Variants in TOP2A observed in about 807,000 individuals in gnomAD.
TOP2A encodes the protein DNA topoisomerase 2-alpha.
In TOP2A, 68 loss-of-function variants were observed where a neutral mutation model predicts 187.2. That is an observed-to-expected ratio of 0.36 (90% CI 0.30 to 0.44). The LOEUF (loss-of-function observed/expected upper bound fraction) is 0.44. Among genes scored for constraint, TOP2A ranks in the 20% least tolerant of loss-of-function variants. The probability of loss-of-function intolerance (pLI) is 1.00; values close to 1 mark genes in which losing one functional copy is unlikely to be tolerated. For missense variants in TOP2A, 1,196 were observed against 1,808.7 expected (o/e 0.66, Z 6.14); for synonymous variants, 542 against 593.2 (o/e 0.91, Z 1.25).
rs2143655105 is a variant in TOP2A at position 40,403,031 on chromosome 17, G to A, written c.2307C>T (p.Ile769=). The change falls in exon 20 of 35, where the codon ATC becomes ATT. Residue 769 remains isoleucine (I), a synonymous_variant. Transcript: ENST00000423485. ...HGEMSLMMTI[I]NLAQNFVGSN... ...TACCCACAAAATTCTGAGCCAAATT[G>A]ATAATGGTCATCATTAGTGACATCT... 6.2e-7 allele frequency: 1 copy of A among 1,600,424 alleles called. No homozygotes were observed. Among genetic ancestry groups the A allele is most frequent in the Non-Finnish European group, 8.5e-7 (1 of 1,172,664 alleles).
chr17:40,390,240 G>C (rs1415050881), intron 33 of TOP2A, 76 bp from the exon 34 acceptor site: 2 of 1,349,186 alleles, frequency 1.5e-6, no homozygotes, highest in East Asian at 2.5e-5. Flanking sequence ...CCAGGCTGGA[G>C]TGCAGTGGTG....
At position 40,389,579 on chromosome 17, in the gene TOP2A, A is replaced by G; in HGVS notation, c.4536T>C (p.Ser1512=). 6.2e-7 allele frequency: 1 copy of G among 1,605,640 alleles called. No individual in the cohort carries two copies. The highest frequency in any genetic ancestry group is 8.5e-7 in the Non-Finnish European group (1 of 1,175,748). The change falls in exon 35 of 35, where the codon TCT becomes TCC. Residue 1512 remains serine, a synonymous_variant. Coordinates refer to ENST00000423485, the MANE Select transcript of TOP2A (RefSeq NM_001067.4). The part of the protein sequence containing the change: ...FDSAVAPRAK[S]VRAKKPIKYL... Reference sequence around the variant, plus strand: ...ACTTTATAGGTTTCTTTGCCCGTACAGATTTTGCCCGAGGAGCCACAGCTG... The same window carrying G: ...ACTTTATAGGTTTCTTTGCCCGTACGGATTTTGCCCGAGGAGCCACAGCTG...
chr17:40,400,208 C>T lies in TOP2A; in HGVS notation c.3000+1G>A. On this transcript the variant is annotated splice_donor_variant, in intron 23 of 34. Transcript: ENST00000423485. LOFTEE classifies it high-confidence loss of function. ...GTACATCTCACAAAACAAATACATA[C>T]CATAGAGTTGCATGTGAGACTAGTT... 2 of 1,613,510 alleles carry T rather than the reference C, an allele frequency of 1.2e-6. No individual in the cohort carries two copies. Among genetic ancestry groups the T allele is most frequent in the South Asian group, 2.2e-5 (2 of 91,072 alleles).
At chr17:40,398,419 T>C (rs1267914958) in intron 27 of TOP2A, 139 bp downstream of exon 27, 1 of 774,064 alleles carries the variant, frequency 1.3e-6, no homozygotes, top group South Asian at 2.0e-5. Flanking sequence ...TCTGTTCTTT[T>C]ATACGCTATT....
intron 33 of TOP2A, among the ~76,000 whole-genome samples, 191 bp from the exon 34 acceptor site, chr17:40,390,355 A>C (rs1485738954): frequency 6.6e-6 from 1 of 151,326 alleles, no homozygotes. Flanking sequence ...CACCCGGCTA[A>C]TTTTTTGTAT....
In TOP2A at chr17:40,411,940, C is replaced by T; in HGVS notation, c.790-122G>A. On this transcript the variant is annotated intron_variant, in intron 7 of 34. Coordinates refer to ENST00000423485, the MANE Select transcript of TOP2A (RefSeq NM_001067.4). The surrounding 1 kb of genome is among the most constrained non-coding windows in gnomAD (Gnocchi z 4.4). Reference sequence around the variant, plus strand: ...TCACTGATAGGCATAAGGGAATGGTCATTAAAGGACACAGGCCGAGGTGGG... The same window carrying T: ...TCACTGATAGGCATAAGGGAATGGTTATTAAAGGACACAGGCCGAGGTGGG... The T allele has an allele frequency of 1.2e-6, 1 of 802,684 alleles. No individual in the cohort carries two copies. Among genetic ancestry groups the T allele is most frequent in the Non-Finnish European group, 1.9e-6 (1 of 536,470 alleles). The allele number at this position is 802,684 out of a possible 1,614,324, so 49.7% of individuals were successfully genotyped here.
At chr17:40,397,285 CTT>C (rs11331486) in intron 27 of TOP2A, among the ~76,000 whole-genome samples, 6,787 of 131,186 alleles carry the variant, frequency 0.052, 282 homozygotes, top group African/African-American at 0.12. Context: ...CTGCTTTCTC[CTT>C]TTTTTTTTTT....
At chr17:40,408,930 C>T in intron 10 of TOP2A, 1 of 488,064 alleles carries the variant, frequency 2.0e-6, no homozygotes, top group Non-Finnish European at 4.0e-6. Flanking sequence ...CACGGTGGCT[C>T]ACGCCTATAA....
chr17:40,392,019 G>C, intron 32 of TOP2A, 49 bp downstream of exon 32: 2 of 1,577,224 alleles, frequency 1.3e-6, no homozygotes, highest in Non-Finnish European at 1.7e-6. Context: ...AGTTGGATCT[G>C]AGTGTCCCAG....
At chr17:40,408,886 T>TG (rs1567788824) in intron 10 of TOP2A, 5 of 585,044 alleles carry the variant, frequency 8.5e-6, no homozygotes, top group African/African-American at 7.3e-5. Context: ...AGCTACTTGT[T>TG]GGAGATATAG....
At chr17:40,414,523 C>A (rs1452130413) in intron 4 of TOP2A, among the ~76,000 whole-genome samples, 3 of 152,032 alleles carry the variant, frequency 2.0e-5, no homozygotes, top group African/African-American at 7.2e-5. Flanking sequence ...AGAGGATCAT[C>A]TATACATCTC....
rs936758554 is a variant in TOP2A at position 40,388,802 on chromosome 17, G to C, written c.*717C>G. On this transcript the variant is annotated 3_prime_UTR_variant, in exon 35 of 35. Coordinates refer to ENST00000423485, the MANE Select transcript of TOP2A (RefSeq NM_001067.4). ...CTGCAATCCAGTCCTCTTAGAAATTGGTTTCTCTCTTTGGGAGATTCAGAC... is the reference window on the plus strand; with the variant it reads ...CTGCAATCCAGTCCTCTTAGAAATTCGTTTCTCTCTTTGGGAGATTCAGAC... 1.5e-5 allele frequency: 3 copies of C among 196,092 alleles called. No homozygotes were observed. Among genetic ancestry groups the C allele is most frequent in the Non-Finnish European group, 3.2e-5 (3 of 94,362 alleles). The allele number at this position is 196,092 out of a possible 1,614,324, so 12.1% of individuals were successfully genotyped here.
chr17:40,415,106 G>T (rs1203026554), intron 4 of TOP2A, among the ~76,000 whole-genome samples: 18 of 149,618 alleles, frequency 1.2e-4, no homozygotes, highest in African/African-American at 4.4e-4. Context: ...CCAGGCTGGA[G>T]TGCAGTGGTG....
chr17:40,390,923 C>G (rs917410630), intron 33 of TOP2A, among the ~76,000 whole-genome samples: 4 of 152,154 alleles, frequency 2.6e-5, no homozygotes, highest in Non-Finnish European at 4.4e-5. Context: ...CTGCACCCAG[C>G]CTTAAACTTA....
intron 19 of TOP2A, among the ~76,000 whole-genome samples, chr17:40,403,379 G>A (rs2143656051): frequency 6.6e-6 from 1 of 152,280 alleles, no homozygotes; most frequent in African/African-American, 2.4e-5. Context: ...TTCTATAGCT[G>A]TGTGTGTATT....
chr17:40,399,005 C>A lies in TOP2A; in HGVS notation c.3288+35G>T, dbSNP rs1472664938. 3.1e-6 allele frequency: 5 copies of A among 1,593,656 alleles called. No homozygotes were observed. The African/African-American group carries it at 6.7e-5, about 21-fold the overall frequency. ...ACATAAACATTGTACAATACATAGTCTTTAACAATATAGAAAAGTGCCACC... is the reference window on the plus strand; with the variant it reads ...ACATAAACATTGTACAATACATAGTATTTAACAATATAGAAAAGTGCCACC... On this transcript the variant is annotated intron_variant, in intron 25 of 34. Coordinates refer to ENST00000423485, the MANE Select transcript of TOP2A (RefSeq NM_001067.4).
At chr17:40,410,742 T>C (rs1160698124) in intron 10 of TOP2A, 3 of 428,356 alleles carry the variant, frequency 7.0e-6, no homozygotes, top group Non-Finnish European at 1.4e-5. Flanking sequence ...GAAGTTGTTT[T>C]TTTGTTGGAG....
At position 40,390,140 on chromosome 17, in the gene TOP2A, C is replaced by T. The variant is rs780010148; in HGVS notation, c.4292G>A (p.Gly1431Asp). The change falls in exon 34 of 35, where the codon GGT becomes GAT. Residue 1431 changes from glycine to aspartate, a missense_variant. By Grantham distance (94) the Gly-to-Asp change is moderately conservative. This residue lies in a region of TOP2A where 374 missense variants were observed against 403.3 expected (regional missense o/e 0.93). Transcript: ENST00000423485. ...TTTTGGGGCAGCCCTTTTTTTGGCACCGGTAGTGGAGGTGGAAGACTGACC... is the reference window on the plus strand; with the variant it reads ...TTTTGGGGCAGCCCTTTTTTTGGCATCGGTAGTGGAGGTGGAAGACTGACC... ...AKSQSSTSTT[G>D]AKKRAAPKGT... is the part of the protein sequence containing the mutation. The T allele has an allele frequency of 1.4e-5, 22 of 1,612,604 alleles. No individual in the cohort carries two copies. Among genetic ancestry groups the T allele is most frequent in the Non-Finnish European group, 8.5e-7 (1 of 1,179,532 alleles).
chr17:40,403,337 T>C (rs1435299949), intron 19 of TOP2A, among the ~76,000 whole-genome samples: 4 of 152,230 alleles, frequency 2.6e-5, no homozygotes, highest in Non-Finnish European at 5.9e-5. Context: ...TACAATGCTG[T>C]GTTCATTTCT....
Sources: gnomAD v4.1 joint callset for allele counts (sites outside exome capture counted in the v4.1 genomes callset) on GRCh38, gnomAD v4.1.1 for gene constraint, gnomAD v4.1.1 regional missense constraint, Gnocchi (gnomAD v3.1) non-coding constraint, MANE v1.5 for transcripts, NCBI Gene and HGNC (gene_info 2026-07-23, HGNC 2026-07-21) for gene names.